LINGO2: variants seen among roughly 807,000 people sequenced by gnomAD.
The protein encoded by LINGO2 is leucine-rich repeat and immunoglobulin-like domain-containing nogo receptor-interacting protein 2.
In LINGO2, 14 loss-of-function variants were observed where a neutral mutation model predicts 30.6. The ratio of observed to expected loss-of-function variants is 0.46; its 90% CI spans 0.30 to 0.72. LINGO2 has a LOEUF of 0.72. LINGO2 is among the 30% of genes least tolerant of loss of function. The pLI, the probability that LINGO2 is intolerant of heterozygous loss-of-function variation, is 0.07. For synonymous variants in LINGO2, 317 were observed against 288.5 expected (o/e 1.10, Z -1.00); for missense variants, 729 against 751.7 (o/e 0.97, Z 0.35).
intron 5 of LINGO2, among the ~76,000 whole-genome samples, chr9:27,987,516 G>C (rs896990435): frequency 1.5e-4 from 23 of 151,840 alleles, no homozygotes; most frequent in African/African-American, 5.1e-4. Context: ...CCCCCAAACA[G>C]CTAAGACAAT....
intron 4 of LINGO2, among the ~76,000 whole-genome samples, chr9:28,227,610 G>GT (rs1821213044): frequency 6.9e-6 from 1 of 145,908 alleles, no homozygotes. Flanking sequence ...ACATACACAA[G>GT]TAACACTTGA....
At chr9:29,207,399 G>A in the LINGO2 span, among the ~76,000 whole-genome samples, 3 of 152,004 alleles carry the variant, frequency 2.0e-5, no homozygotes, top group East Asian at 5.8e-4. Context: ...GCTAACCATA[G>A]TTACATTATA....
intron 5 of LINGO2, among the ~76,000 whole-genome samples, chr9:27,999,717 A>G (rs1215138311): frequency 6.6e-6 from 1 of 152,168 alleles, no homozygotes; most frequent in Admixed American, 6.5e-5. Flanking sequence ...AGTCCAATGA[A>G]AGACTGACTG....
At position 28,020,962 on chromosome 9, in the gene LINGO2, T is replaced by C. The variant is rs143943059; in HGVS notation, c.-86-8557A>G. Among the ~76,000 whole-genome samples, 773 of 152,298 alleles carry C rather than the reference T, an allele frequency of 5.1e-3. 5 individuals are homozygous for C. Among genetic ancestry groups the C allele is most frequent in the African/African-American group, 0.017 (721 of 41,580 alleles). Reference sequence around the variant, plus strand: ...GCTAGCCTGGCTAAAGATTTATCAGTTGTATTGATCATTTCAAAGAACCAG... The same window carrying C: ...GCTAGCCTGGCTAAAGATTTATCAGCTGTATTGATCATTTCAAAGAACCAG... On this transcript the variant is annotated intron_variant, in intron 4 of 5. Coordinates refer to ENST00000379992, the Ensembl canonical transcript of LINGO2.
the LINGO2 span, among the ~76,000 whole-genome samples, chr9:28,835,047 A>G: frequency 6.6e-6 from 1 of 152,210 alleles, no homozygotes; most frequent in Non-Finnish European, 1.5e-5. Flanking sequence ...AGGTTAAGAA[A>G]GCAAAGCAAG....
chr9:28,556,729 C>G (rs1451540826), intron 1 of LINGO2, among the ~76,000 whole-genome samples: 1 of 151,990 alleles, frequency 6.6e-6, no homozygotes, highest in Non-Finnish European at 1.5e-5. Context: ...AGGCATCACA[C>G]TACCTGACTT....
the LINGO2 span, among the ~76,000 whole-genome samples, chr9:28,925,512 C>T: frequency 1.5e-4 from 23 of 152,148 alleles, no homozygotes; most frequent in African/African-American, 5.6e-4. Flanking sequence ...TACATCATTG[C>T]AGAAAAACAA....
At chr9:28,553,367 C>A (rs1027737684) in intron 1 of LINGO2, among the ~76,000 whole-genome samples, 1 of 151,786 alleles carries the variant, frequency 6.6e-6, no homozygotes, top group African/African-American at 2.4e-5. Context: ...GCCTCAGGAG[C>A]CGATGTGATC....
chr9:28,152,293 C>A (rs1260616509), intron 4 of LINGO2, among the ~76,000 whole-genome samples: 1 of 150,872 alleles, frequency 6.6e-6, no homozygotes, highest in Admixed American at 6.6e-5. Flanking sequence ...AAGAGCCTGG[C>A]AACTCTTGTC....
intron 1 of LINGO2, among the ~76,000 whole-genome samples, chr9:28,562,575 C>T (rs111936052): frequency 0.02 from 3,040 of 151,486 alleles, 65 homozygotes; most frequent in East Asian, 0.095. Flanking sequence ...ACAAAGCTTT[C>T]CTGTGTCATG....
chr9:28,869,174 G>A, the LINGO2 span, among the ~76,000 whole-genome samples: 1 of 151,966 alleles, frequency 6.6e-6, no homozygotes, highest in African/African-American at 2.4e-5. Flanking sequence ...CTACTATGAG[G>A]GAAAAACTAG....
chr9:29,194,662 C>G, the LINGO2 span, among the ~76,000 whole-genome samples: 1 of 152,146 alleles, frequency 6.6e-6, no homozygotes, highest in Non-Finnish European at 1.5e-5. Context: ...ATGCTCTGAT[C>G]ACAAGGTGGC....
intron 5 of LINGO2, among the ~76,000 whole-genome samples, chr9:28,010,704 G>A (rs1822511468): frequency 6.6e-6 from 1 of 152,210 alleles, no homozygotes; most frequent in Non-Finnish European, 1.5e-5. Context: ...TATAATCTCA[G>A]CACTTTGGGA....
intron 4 of LINGO2, among the ~76,000 whole-genome samples, chr9:28,143,705 T>C (rs1827737207): frequency 6.6e-6 from 1 of 152,010 alleles, no homozygotes; most frequent in Admixed American, 6.6e-5. Flanking sequence ...CATGTATAAA[T>C]AGAAGACCTG....
chr9:28,652,045 T>A lies in LINGO2; in HGVS notation c.-365+18155A>T, dbSNP rs572339314. Among the ~76,000 whole-genome samples, 11 of 152,308 alleles carry A rather than the reference T, an allele frequency of 7.2e-5. No homozygotes were observed. The South Asian group carries it at 1.0e-3, about 14-fold the overall frequency. On this transcript the variant is annotated intron_variant, in intron 1 of 5. Coordinates refer to ENST00000379992, the Ensembl canonical transcript of LINGO2. ...TTTTAATTACCTTTGTCCTTTATTA[T>A]CACAGAACTTTGTTTCTAAACTATC...
At chr9:28,483,339 T>C (rs138221874) in intron 1 of LINGO2, among the ~76,000 whole-genome samples, 1 of 152,142 alleles carries the variant, frequency 6.6e-6, no homozygotes, top group East Asian at 1.9e-4. Flanking sequence ...CTAAATGAGT[T>C]CCAGTATAAA....
chr9:28,914,069 T>A, the LINGO2 span, among the ~76,000 whole-genome samples: 2 of 152,132 alleles, frequency 1.3e-5, no homozygotes, highest in Non-Finnish European at 2.9e-5. Context: ...AAACAGACTT[T>A]CCTGTGATAA....
intron 5 of LINGO2, among the ~76,000 whole-genome samples, chr9:27,998,876 AC>A (rs1481987602): frequency 6.6e-6 from 1 of 152,140 alleles, no homozygotes; most frequent in Admixed American, 6.5e-5. Context: ...AGAAGAGTAA[AC>A]TATTATTATG....
intron 4 of LINGO2, among the ~76,000 whole-genome samples, chr9:28,104,904 C>CCA (rs1826537305): frequency 1.3e-5 from 2 of 151,718 alleles, no homozygotes; most frequent in Admixed American, 6.6e-5. Flanking sequence ...CCCCACCGAC[C>CCA]CACACACACA....
Sources: gnomAD v4.1 joint callset for allele counts (sites outside exome capture counted in the v4.1 genomes callset) on GRCh38, gnomAD v4.1.1 for gene constraint, MANE v1.5 for transcripts, NCBI Gene and HGNC (gene_info 2026-07-23, HGNC 2026-07-21) for gene names.